The following SLC27A5 variants were observed in gnomAD, a reference collection of about 807,000 sequenced individuals.
SLC27A5 encodes the protein long-chain fatty acid transport protein 5.
Under a neutral mutation model 63.1 loss-of-function variants are expected in SLC27A5, and 47 were observed. The observed-to-expected ratio is 0.74, with a 90% CI of 0.59 to 0.95. The LOEUF (loss-of-function observed/expected upper bound fraction) is 0.95. Ranked by LOEUF, SLC27A5 falls within the 40% of genes least tolerant of loss-of-function variation. The pLI is 0.00. For synonymous variants in SLC27A5, 391 were observed against 403.8 expected (o/e 0.97, Z 0.38); for missense variants, 940 against 921.0 (o/e 1.02, Z -0.27).
intron 2 of SLC27A5, 87 bp downstream of exon 2, chr19:58,510,634 A>G: frequency 1.7e-6 from 2 of 1,149,598 alleles, no homozygotes; most frequent in Admixed American, 3.1e-5. Context: ...GTGGTTTCAG[A>G]GGTCAACACT....
intron 1 of SLC27A5, 98 bp from the exon 2 acceptor site, chr19:58,511,028 G>T: frequency 2.9e-6 from 3 of 1,042,668 alleles, no homozygotes; most frequent in Non-Finnish European, 4.1e-6. Context: ...GGAGCAGCTA[G>T]TAGAGAAAAG....
chr19:58,501,901 TCCTGA>T (rs770053287), intron 3 of SLC27A5, among the ~76,000 whole-genome samples: 9 of 152,192 alleles, frequency 5.9e-5, no homozygotes, highest in Non-Finnish European at 1.2e-4. Flanking sequence ...GGTCTTGAAC[TCCTGA>T]CCTTTCAGGT....
intron 3 of SLC27A5, among the ~76,000 whole-genome samples, chr19:58,503,077 C>A (rs570130260): frequency 1.3e-5 from 2 of 151,858 alleles, no homozygotes; most frequent in Non-Finnish European, 2.9e-5. Flanking sequence ...TGGTAGCGGG[C>A]GCCTGTAGTC....
chr19:58,505,503 GA>G (rs2053334766), intron 3 of SLC27A5, among the ~76,000 whole-genome samples: 1 of 151,806 alleles, frequency 6.6e-6, no homozygotes, highest in East Asian at 2.0e-4. Flanking sequence ...AAAGTGCTGG[GA>G]TTACAGGCGT....
Position 58,498,364 on chromosome 19 carries a change from C to T in SLC27A5, c.*151G>A. The T allele has an allele frequency of 1.3e-6, 1 of 742,376 alleles. No homozygotes were observed. The highest frequency in any genetic ancestry group is 2.7e-5 in the East Asian group (1 of 36,874). The allele number at this position is 742,376 out of a possible 1,614,324, so 46.0% of individuals were successfully genotyped here. ...GAACACATCTGAGTTTATTCTGCCACTGCTACAGGGCCCACTGTCATTTCC... is the reference window on the plus strand; with the variant it reads ...GAACACATCTGAGTTTATTCTGCCATTGCTACAGGGCCCACTGTCATTTCC... On this transcript the variant is annotated 3_prime_UTR_variant, in exon 10 of 10. Coordinates refer to ENST00000263093, the MANE Select transcript of SLC27A5 (RefSeq NM_012254.3).
At chr19:58,510,173 G>GAA (rs1212271719) in intron 2 of SLC27A5, 168 bp from the exon 3 acceptor site, 7 of 596,464 alleles carry the variant, frequency 1.2e-5, no homozygotes, top group Admixed American at 6.7e-5. Context: ...AATTTGGACT[G>GAA]AAAGTAATAT....
Position 58,501,358 on chromosome 19 carries a change from G to A in SLC27A5, c.1110C>T (p.Asp370=), listed in dbSNP as rs1485372819. The A allele has an allele frequency of 6.2e-7, 1 of 1,613,668 alleles. No individual in the cohort carries two copies. Among genetic ancestry groups the A allele is most frequent in the Non-Finnish European group, 8.5e-7 (1 of 1,179,740 alleles). ...TCACTGTCACGCCATGCTGCCGACA[G>A]TCATCCCAGAAGCAGGAAGTAGAGA... ...PKFSTSCFWD[D]CRQHGVTVIL... The change falls in exon 4 of 10, where the codon GAC becomes GAT. Residue 370 remains aspartate (D), a synonymous_variant. Transcript: ENST00000263093.
intron 6 of SLC27A5, among the ~76,000 whole-genome samples, chr19:58,499,919 A>T (rs1315863859): frequency 6.6e-6 from 1 of 152,184 alleles, no homozygotes; most frequent in East Asian, 1.9e-4. Context: ...TGGGGAGCCC[A>T]TGAGAAACAG....
chr19:58,505,203 G>A (rs2122510127), intron 3 of SLC27A5, among the ~76,000 whole-genome samples: 1 of 149,554 alleles, frequency 6.7e-6, no homozygotes, highest in South Asian at 2.1e-4. Context: ...GGGTTCAAGC[G>A]ATTCTCCTGC....
At chr19:58,503,067 T>C (rs1251665137) in intron 3 of SLC27A5, among the ~76,000 whole-genome samples, 3 of 151,946 alleles carry the variant, frequency 2.0e-5, no homozygotes, top group South Asian at 2.1e-4. Flanking sequence ...TAGCTGGGCG[T>C]GGTAGCGGGC....
chr19:58,508,767 A>G (rs2053376042), intron 3 of SLC27A5: 1 of 150,562 alleles, frequency 6.6e-6, no homozygotes, highest in African/African-American at 2.4e-5. Context: ...GGCCATGATA[A>G]TAGCTGGAAA....
Position 58,499,486 on chromosome 19 carries a change from T to C in SLC27A5, c.1667+6A>G. The C allele has an allele frequency of 6.2e-7, 1 of 1,612,584 alleles. No homozygotes were observed. Among genetic ancestry groups the C allele is most frequent in the Non-Finnish European group, 8.5e-7 (1 of 1,179,886 alleles). The stretch of plus-strand genomic sequence containing the variant: ...CAGCCCCGCCCCGAGAAACCCTGCC[T>C]CGGACCGGAAGGTGTCCCCGAGGCG... On this transcript the variant is annotated splice_donor_region_variant and intron_variant, in intron 7 of 9. Transcript: ENST00000263093.
chr19:58,510,681 G>A (rs376661446), intron 2 of SLC27A5, 40 bp downstream of exon 2: 2 of 1,519,968 alleles, frequency 1.3e-6, no homozygotes, highest in East Asian at 4.7e-5. Flanking sequence ...GTCAGCCTGA[G>A]AGTTCAGAGG....
chr19:58,509,972 C>G lies in SLC27A5; in HGVS notation c.932G>C (p.Arg311Pro), dbSNP rs371102258. 1.2e-6 allele frequency: 2 copies of G among 1,613,800 alleles called. No individual in the cohort carries two copies. Among genetic ancestry groups the G allele is most frequent in the Non-Finnish European group, 1.7e-6 (2 of 1,179,960 alleles). ...LPKPAILTHERVLQMSKMLSL... is the reference protein window; with the variant it reads ...LPKPAILTHEPVLQMSKMLSL... ...CAGCATCTTGCTCATCTGCAGTACC[C>G]GCTCATGCGTGAGGATGGCTGGCTT... Residue 311 changes from arginine (R) to proline (P), a missense_variant, in exon 3 of 10, where the codon CGG becomes CCG. Coordinates refer to ENST00000263093, the MANE Select transcript of SLC27A5 (RefSeq NM_012254.3).
rs939085154 is a variant in SLC27A5 at position 58,511,749 on chromosome 19, C to T, written c.207G>A (p.Ala69=). Residue 69 remains alanine, a synonymous_variant, in exon 1 of 10, where the codon GCG becomes GCA. Coordinates refer to ENST00000263093, the MANE Select transcript of SLC27A5 (RefSeq NM_012254.3). ...WVPHGLSLAA[A]ALALTLLPAR... The stretch of plus-strand genomic sequence containing the variant: ...CTGGCAGGAGGGTTAGTGCCAGGGC[C>T]GCAGCTGCCAGGCTCAGCCCATGGG... 4 of 1,550,038 alleles carry T rather than the reference C, an allele frequency of 2.6e-6. No homozygotes were observed. Among genetic ancestry groups the T allele is most frequent in the African/African-American group, 1.4e-5 (1 of 73,234 alleles).
intron 4 of SLC27A5, chr19:58,501,061 G>T: frequency 2.5e-6 from 3 of 1,215,092 alleles, no homozygotes; most frequent in Non-Finnish European, 2.2e-6. Context: ...ATAGGGGTAG[G>T]GGCTATTATC....
intron 3 of SLC27A5, chr19:58,509,620 T>A (rs2122525190): frequency 2.3e-6 from 1 of 438,538 alleles, no homozygotes; most frequent in Non-Finnish European, 4.1e-6. Flanking sequence ...TGACCATCAC[T>A]CGTATCAGGT....
chr19:58,504,476 C>G (rs746938347), intron 3 of SLC27A5, among the ~76,000 whole-genome samples: 13 of 149,734 alleles, frequency 8.7e-5, no homozygotes, highest in Non-Finnish European at 1.5e-4. Flanking sequence ...TGGCGAAACC[C>G]TGTCTCTACT....
At chr19:58,504,586 G>C (rs1454449985) in intron 3 of SLC27A5, among the ~76,000 whole-genome samples, 8 of 110,968 alleles carry the variant, frequency 7.2e-5, no homozygotes, top group African/African-American at 1.1e-4. Context: ...GGGGGGGGGG[G>C]GGGCGGGCGG....
Sources: gnomAD v4.1 joint callset for allele counts (sites outside exome capture counted in the v4.1 genomes callset) on GRCh38, gnomAD v4.1.1 for gene constraint, MANE v1.5 for transcripts, NCBI Gene and HGNC (gene_info 2026-07-23, HGNC 2026-07-21) for gene names.